ABCB1: variants seen among roughly 807,000 people sequenced by gnomAD.
ABCB1 encodes ATP binding cassette subfamily B member 1.
Under a neutral mutation model 142.0 loss-of-function variants are expected in ABCB1, and 69 were observed. The observed-to-expected ratio is 0.49, with a 90% CI of 0.40 to 0.59. The LOEUF is 0.59. Among genes scored for constraint, ABCB1 ranks in the 20% least tolerant of loss-of-function variants. The pLI, the probability that ABCB1 is intolerant of heterozygous loss-of-function variation, is 0.00. For synonymous variants in ABCB1, 532 were observed against 539.2 expected (o/e 0.99, Z 0.18); for missense variants, 1,326 against 1,554.7 (o/e 0.85, Z 2.47).
At chr7:87,650,214 A>G (rs1317561044) in intron 1 of ABCB1, among the ~76,000 whole-genome samples, 1 of 152,162 alleles carries the variant, frequency 6.6e-6, no homozygotes, top group African/African-American at 2.4e-5. Flanking sequence ...TTTGATTTTA[A>G]TGGGGACAAT....
At chr7:87,518,797 C>T (rs1815360541) in intron 23 of ABCB1, 1 of 154,010 alleles carries the variant, frequency 6.5e-6, no homozygotes, top group African/African-American at 2.4e-5. Flanking sequence ...GACCGAGGTA[C>T]AATTATCTAC....
chr7:87,610,191 T>C (rs982538044), intron 1 of ABCB1, among the ~76,000 whole-genome samples: 2 of 151,800 alleles, frequency 1.3e-5, no homozygotes, highest in Non-Finnish European at 2.9e-5. Flanking sequence ...TGGCAACAAG[T>C]CATACTGCAG....
intron 3 of ABCB1, among the ~76,000 whole-genome samples, chr7:87,593,992 TG>T (rs1334238113): frequency 6.6e-6 from 1 of 152,218 alleles, no homozygotes; most frequent in Non-Finnish European, 1.5e-5. Context: ...GAACACACAA[TG>T]TTTTTTGTCT....
intron 1 of ABCB1, among the ~76,000 whole-genome samples, chr7:87,661,795 A>G (rs927102502): frequency 2.0e-5 from 3 of 151,916 alleles, no homozygotes; most frequent in Admixed American, 6.6e-5. Flanking sequence ...ATCATATGGT[A>G]GTTTAATTTT....
At chr7:87,520,224 T>C (rs1294825460) in intron 22 of ABCB1, among the ~76,000 whole-genome samples, 2 of 152,154 alleles carry the variant, frequency 1.3e-5, no homozygotes, top group African/African-American at 2.4e-5. Context: ...ATCATTTTTT[T>C]TAAATAAAAG....
At chr7:87,545,745 C>A in intron 15 of ABCB1, 118 bp downstream of exon 15, 2 of 1,079,270 alleles carry the variant, frequency 1.9e-6, no homozygotes, top group Non-Finnish European at 2.6e-6. Flanking sequence ...CTGAATCCCC[C>A]AGGTGTTGTT....
At chr7:87,657,858 A>G (rs1824269964) in intron 1 of ABCB1, among the ~76,000 whole-genome samples, 1 of 152,108 alleles carries the variant, frequency 6.6e-6, no homozygotes, top group Admixed American at 6.6e-5. Flanking sequence ...GGGAAACTTG[A>G]ACTTCATCCT....
rs543801591 is a variant in ABCB1 at position 87,514,395 on chromosome 7, C to T, written c.3282+836G>A. ...CTTCTTTCCTATCCCCCATCATAGT[C>T]GTTTAAACTCACTACTCCCTGCCAG... is the stretch of plus-strand genomic sequence containing the variant. On this transcript the variant is annotated intron_variant, in intron 25 of 27. Coordinates refer to ENST00000622132, the MANE Select transcript of ABCB1 (RefSeq NM_001348946.2). 1.4e-4 allele frequency among the ~76,000 whole-genome samples: 21 copies of T among 152,316 alleles called. No homozygotes were observed. The South Asian group carries it at 4.2e-3, about 30-fold the overall frequency.
chr7:87,626,021 T>G (rs180816334), intron 1 of ABCB1, among the ~76,000 whole-genome samples: 7,698 of 126,508 alleles, frequency 0.061, 504 homozygotes, highest in Admixed American at 0.1. Context: ...TATATATATA[T>G]ATAGAGAGAG....
chr7:87,699,136 G>A (rs1828778092), intron 1 of ABCB1, among the ~76,000 whole-genome samples: 2 of 152,078 alleles, frequency 1.3e-5, no homozygotes, highest in Admixed American at 6.5e-5. Flanking sequence ...TCCTAAAATG[G>A]TGCTTGCTGA....
At chr7:87,679,362 G>A (rs1826696693) in intron 1 of ABCB1, among the ~76,000 whole-genome samples, 1 of 149,370 alleles carries the variant, frequency 6.7e-6, no homozygotes, top group Non-Finnish European at 1.5e-5. Flanking sequence ...CAAAGTGCTG[G>A]GATTACAAGT....
intron 23 of ABCB1, among the ~76,000 whole-genome samples, chr7:87,518,693 T>C (rs1815356026): frequency 6.6e-6 from 1 of 152,200 alleles, no homozygotes; most frequent in Non-Finnish European, 1.5e-5. Context: ...CACCTCCAAA[T>C]CTAGAAGCTC....
At chr7:87,637,104 C>G (rs1487054268) in intron 1 of ABCB1, among the ~76,000 whole-genome samples, 2 of 152,194 alleles carry the variant, frequency 1.3e-5, no homozygotes, top group Non-Finnish European at 2.9e-5. Context: ...TACCTCCCAT[C>G]TGCTCCCTCC....
At position 87,519,422 on chromosome 7, in the gene ABCB1, A is replaced by G. The variant is rs1489594324; in HGVS notation, c.2831T>C (p.Phe944Ser). The change falls in exon 23 of 28, where the codon TTC (phenylalanine) becomes TCC (serine). Residue 944 changes from phenylalanine to serine, a missense_variant. Physicochemically the swap from Phe to Ser is radical, Grantham distance 155. Transcript: ENST00000622132. The part of the protein sequence containing the change: ...KAHIFGITFS[F>S]TQAMMYFSYA... ...GGAAAAATACATCATTGCCTGGGTG[A>G]AGGAAAATGTAATTCCAAAGATGTG... 1 of 1,614,038 alleles carries G rather than the reference A, an allele frequency of 6.2e-7. No individual in the cohort carries two copies. Among genetic ancestry groups the G allele is most frequent in the East Asian group, 2.2e-5 (1 of 44,884 alleles).
chr7:87,617,734 A>C (rs1299688560), intron 1 of ABCB1, among the ~76,000 whole-genome samples: 1 of 152,228 alleles, frequency 6.6e-6, no homozygotes, highest in African/African-American at 2.4e-5. Flanking sequence ...TCCACATGGC[A>C]GCCAGAATGA....
At chr7:87,708,916 ATTACT>A (rs1829834778) in intron 1 of ABCB1, among the ~76,000 whole-genome samples, 1 of 152,124 alleles carries the variant, frequency 6.6e-6, no homozygotes, top group South Asian at 2.1e-4. Flanking sequence ...TTAAATCTTG[ATTACT>A]TTTACTTATT....
chr7:87,705,588 T>A, intron 1 of ABCB1, among the ~76,000 whole-genome samples: 1 of 152,210 alleles, frequency 6.6e-6, no homozygotes, highest in East Asian at 1.9e-4. Flanking sequence ...GTGTCTTCAG[T>A]ACTTTTGCAG....
In ABCB1 at chr7:87,550,162, T is replaced by C. The variant is rs1196945582; in HGVS notation, c.1350+9A>G. ...CACCGCAGGGTCTAGCTCGCATGGG[T>C]CATCTCACCATCCCCTCTGTGGGGT... is the stretch of plus-strand genomic sequence containing the variant. On this transcript the variant is annotated intron_variant, in intron 12 of 27. Transcript: ENST00000622132. The C allele has an allele frequency of 3.1e-6, 5 of 1,614,168 alleles. No homozygotes were observed. The East Asian group carries it at 1.1e-4, about 36-fold the overall frequency.
chr7:87,550,744 A>T lies in ABCB1; in HGVS notation c.1094T>A (p.Ile365Asn), dbSNP rs1269483312. ...FANARGAAYE[I>N]FKIIDNKPSI... ...ACTTACATTATCAATTATCTTGAAG[A>T]TTTCATAAGCTGCTCCTCTTGCATT... The change falls in exon 10 of 28, where the codon ATC becomes AAC. Residue 365 changes from isoleucine to asparagine, a missense_variant. By Grantham distance (149) the Ile-to-Asn change is moderately radical. Coordinates refer to ENST00000622132, the MANE Select transcript of ABCB1 (RefSeq NM_001348946.2). The T allele has an allele frequency of 2.5e-6, 4 of 1,612,972 alleles. No homozygotes were observed. In the East Asian group the frequency reaches 8.9e-5, roughly 36 times the overall value.
Sources: allele counts gnomAD v4.1 joint callset (sites outside exome capture counted in the v4.1 genomes callset), GRCh38; gene constraint gnomAD v4.1.1; transcripts MANE v1.5; gene names NCBI Gene and HGNC (gene_info 2026-07-23, HGNC 2026-07-21).